Variants in SLC27A2 observed in about 807,000 individuals in gnomAD.
SLC27A2 encodes solute carrier family 27 member 2, also known as long-chain fatty acid transport protein 2.
Under a neutral mutation model 60.0 loss-of-function variants are expected in SLC27A2, and 54 were observed. That is an observed-to-expected ratio of 0.90 (90% confidence interval 0.72 to 1.13). The LOEUF (loss-of-function observed/expected upper bound fraction) is 1.13. SLC27A2 is among the 50% of genes most tolerant of loss of function. The probability of loss-of-function intolerance (pLI) is 0.00; values close to 1 mark genes in which losing one functional copy is unlikely to be tolerated. For missense variants in SLC27A2, 739 were observed against 777.6 expected, an observed-to-expected ratio of 0.95 and a Z score of 0.59; for synonymous variants, 297 against 297.6, an observed-to-expected ratio of 1.00 and a Z score of 0.02.
At chr15:50,211,615 C>A (rs1567433126) in intron 4 of SLC27A2, among the ~76,000 whole-genome samples, 1 of 152,146 alleles carries the variant, frequency 6.6e-6, no homozygotes, top group Non-Finnish European at 1.5e-5. Flanking sequence ...AGCAACGAAT[C>A]CAAACCAAGA....
intron 4 of SLC27A2, among the ~76,000 whole-genome samples, chr15:50,213,999 C>CAA (rs563515592): frequency 4.6e-5 from 5 of 108,424 alleles, no homozygotes; most frequent in African/African-American, 1.5e-4. Context: ...AACAAACAAA[C>CAA]AAAAAAAAAG....
chr15:50,226,021 G>A lies in SLC27A2; in HGVS notation c.1201G>A (p.Val401Met), dbSNP rs147420972. ...AACTTATGACCTGATTAAATATGAT[G>A]TGGAGAAAGATGAACCTGTCCGTGA... ...IITYDLIKYD[V>M]EKDEPVRDEN... Residue 401 changes from valine (V) to methionine (M), a missense_variant, in exon 6 of 10, where the codon GTG becomes ATG. Transcript: ENST00000267842. 20 of 1,608,488 alleles carry A rather than the reference G, an allele frequency of 1.2e-5. No homozygotes were observed. In the East Asian group the frequency reaches 2.2e-4, roughly 18 times the overall value.
chr15:50,217,920 G>T (rs958038429), intron 4 of SLC27A2, among the ~76,000 whole-genome samples: 15 of 151,986 alleles, frequency 9.9e-5, no homozygotes, highest in Non-Finnish European at 1.9e-4. Context: ...TGGGCACGGT[G>T]GTGGGCGCCA....
rs1428526197 is a variant in SLC27A2, at chr15:50,202,544, C to T, written c.746C>T (p.Thr249Ile). The change falls in exon 3 of 10, where the codon ACT (threonine) becomes ATT (isoleucine). Residue 249 changes from threonine to isoleucine, a missense_variant. Coordinates refer to ENST00000267842, the MANE Select transcript of SLC27A2 (RefSeq NM_003645.4). The stretch of plus-strand genomic sequence containing the variant: ...CGCATATGGTATGGAACTGGCCTCA[C>T]TTTTGTAAGCGGATTGAAGGCAGAT... ...HQRIWYGTGLTFVSGLKADDV... is the reference protein window; with the variant it reads ...HQRIWYGTGLIFVSGLKADDV... 4 of 1,614,086 alleles carry T rather than the reference C, an allele frequency of 2.5e-6. No individual in the cohort carries two copies. Among genetic ancestry groups the T allele is most frequent in the Non-Finnish European group, 3.4e-6 (4 of 1,180,024 alleles).
At chr15:50,207,118 C>T (rs1295388896) in intron 4 of SLC27A2, among the ~76,000 whole-genome samples, 1 of 152,090 alleles carries the variant, frequency 6.6e-6, no homozygotes, top group Non-Finnish European at 1.5e-5. Flanking sequence ...TAGAAAATCT[C>T]CTGGGGAGTG....
chr15:50,196,862 T>C (rs2140899538), intron 1 of SLC27A2, among the ~76,000 whole-genome samples: 1 of 152,344 alleles, frequency 6.6e-6, no homozygotes, highest in African/African-American at 2.4e-5. Context: ...GAAAAAATTG[T>C]TACATAAAGT....
intron 4 of SLC27A2, among the ~76,000 whole-genome samples, chr15:50,211,847 A>G (rs7182318): frequency 0.34 from 50,990 of 151,494 alleles, 8,775 homozygotes; most frequent in African/African-American, 0.41. Context: ...TGAGGCAGGC[A>G]GATCACAAGG....
intron 8 of SLC27A2, 26 bp downstream of exon 8, chr15:50,229,068 T>TA (rs5812509): frequency 0.86 from 1,274,429 of 1,483,588 alleles, 551,553 homozygotes; most frequent in Middle Eastern, 0.91. Context: ...GATCTGTACC[T>TA]AACCCATAGA....
chr15:50,216,504 A>T (rs1308432777), intron 4 of SLC27A2, among the ~76,000 whole-genome samples: 1 of 151,478 alleles, frequency 6.6e-6, no homozygotes, highest in Non-Finnish European at 1.5e-5. Context: ...AGATACTTCT[A>T]CACGCATTTT....
At chr15:50,220,855 C>T (rs565605911) in intron 4 of SLC27A2, among the ~76,000 whole-genome samples, 4 of 152,220 alleles carry the variant, frequency 2.6e-5, no homozygotes, top group African/African-American at 9.6e-5. Flanking sequence ...CTGGACTTAA[C>T]GGGAGCTTGG....
chr15:50,187,626 C>G (rs1163416760), intron 1 of SLC27A2, among the ~76,000 whole-genome samples: 1 of 152,156 alleles, frequency 6.6e-6, no homozygotes, highest in Admixed American at 6.5e-5. Flanking sequence ...AGGCACTACT[C>G]TTATGCAAGG....
chr15:50,186,134 C>T (rs541069139), intron 1 of SLC27A2, among the ~76,000 whole-genome samples: 2 of 151,978 alleles, frequency 1.3e-5, no homozygotes, highest in Admixed American at 1.3e-4. Flanking sequence ...GTCCCAGTTA[C>T]TGGGGAGGCT....
intron 1 of SLC27A2, among the ~76,000 whole-genome samples, chr15:50,189,798 A>G (rs1207452626): frequency 6.6e-6 from 1 of 152,192 alleles, no homozygotes; most frequent in African/African-American, 2.4e-5. Flanking sequence ...TGGTAGAAAG[A>G]TGACATGGTT....
intron 6 of SLC27A2, among the ~76,000 whole-genome samples, chr15:50,226,389 G>A (rs922598714): frequency 3.9e-5 from 6 of 152,144 alleles, no homozygotes. Flanking sequence ...TAACAACTGT[G>A]CGTTTGTGTA....
chr15:50,233,458 A>T (rs1480764086), intron 8 of SLC27A2, among the ~76,000 whole-genome samples: 1 of 152,236 alleles, frequency 6.6e-6, no homozygotes, highest in Admixed American at 6.5e-5. Context: ...TGATGGTTAT[A>T]AGCACAGGAT....
intron 1 of SLC27A2, among the ~76,000 whole-genome samples, chr15:50,191,320 G>A (rs1341092456): frequency 6.6e-6 from 1 of 152,230 alleles, no homozygotes; most frequent in African/African-American, 2.4e-5. Flanking sequence ...CTCTTCAGCT[G>A]CTGGGAGCTC....
At chr15:50,218,031 G>A (rs548043811) in intron 4 of SLC27A2, among the ~76,000 whole-genome samples, 1 of 138,140 alleles carries the variant, frequency 7.2e-6, no homozygotes, top group South Asian at 2.5e-4. Flanking sequence ...TCCAGCCTGG[G>A]TGACAGGGCG....
intron 4 of SLC27A2, among the ~76,000 whole-genome samples, chr15:50,216,882 A>AAT (rs1555501338): frequency 6.8e-6 from 1 of 147,166 alleles, no homozygotes; most frequent in South Asian, 2.1e-4. Context: ...ATTCCATAAA[A>AAT]ATATATATAT....
Position 50,193,285 on chromosome 15 carries a change from C to T in SLC27A2, c.479-4215C>T, listed in dbSNP as rs966097772. Among the ~76,000 whole-genome samples, 155 of 152,192 alleles carry T rather than the reference C, an allele frequency of 1.0e-3. 1 individual carries two copies. Among genetic ancestry groups the T allele is most frequent in the Non-Finnish European group, 9.1e-4 (62 of 68,046 alleles). On this transcript the variant is annotated intron_variant, in intron 1 of 9. Transcript: ENST00000267842. ...ATACCTTCTCCTTCCCCTGTTGTGA[C>T]ACCTGTGGCAATTTATTTTGATTTT...
Sources: gnomAD v4.1 joint callset for allele counts (sites outside exome capture counted in the v4.1 genomes callset) on GRCh38, gnomAD v4.1.1 for gene constraint, MANE v1.5 for transcripts, NCBI Gene and HGNC (gene_info 2026-07-23, HGNC 2026-07-21) for gene names.